Variants in ZNF804A observed in about 807,000 individuals in gnomAD.
The protein encoded by ZNF804A is zinc finger protein 804A.
A neutral mutation model predicts 16.5 loss-of-function variants in ZNF804A; 2 were observed. The observed-to-expected ratio is 0.12, with a 90% CI of 0.05 to 0.38. The LOEUF is 0.38. ZNF804A is among the 10% of genes least tolerant of loss of function. ZNF804A has a pLI of 0.99. For synonymous variants in ZNF804A, 534 were observed against 489.6 expected, an observed-to-expected ratio of 1.09 and a Z score of -1.20; for missense variants, 1,473 against 1,390.7, an observed-to-expected ratio of 1.06 and a Z score of -0.94.
chr2:184,781,733 T>C (rs1694374156), intron 1 of ZNF804A, among the ~76,000 whole-genome samples: 1 of 151,850 alleles, frequency 6.6e-6, no homozygotes, highest in Non-Finnish European at 1.5e-5. Context: ...ACTTCTACTT[T>C]TTTGCATCAT....
chr2:184,640,438 T>C (rs555831745), intron 1 of ZNF804A, among the ~76,000 whole-genome samples: 1 of 152,130 alleles, frequency 6.6e-6, no homozygotes, highest in South Asian at 2.1e-4. Context: ...ATAGTACCAA[T>C]CAATACTATA....
intron 1 of ZNF804A, among the ~76,000 whole-genome samples, chr2:184,808,572 T>A (rs1434604866): frequency 6.6e-6 from 1 of 151,528 alleles, no homozygotes; most frequent in Admixed American, 6.6e-5. Flanking sequence ...AAAGCATATA[T>A]CATTTAGTTT....
At chr2:184,787,023 G>A (rs1448644971) in intron 1 of ZNF804A, among the ~76,000 whole-genome samples, 1 of 151,658 alleles carries the variant, frequency 6.6e-6, no homozygotes, top group Admixed American at 6.6e-5. Context: ...CCATATATGT[G>A]TAATGGTTGG....
intron 1 of ZNF804A, among the ~76,000 whole-genome samples, chr2:184,671,357 C>T (rs949022424): frequency 6.6e-6 from 1 of 152,138 alleles, no homozygotes; most frequent in Non-Finnish European, 1.5e-5. Context: ...AGAACTCTAG[C>T]CAGGGACCAG....
chr2:184,607,348 C>A (rs1013939055), intron 1 of ZNF804A, among the ~76,000 whole-genome samples: 6 of 152,172 alleles, frequency 3.9e-5, no homozygotes, highest in Non-Finnish European at 8.8e-5. Context: ...AATTGACTCA[C>A]AGTTCTGCAT....
In ZNF804A at chr2:184,645,757, C is replaced by T. The variant is rs536088493; in HGVS notation, c.111+46687C>T. ...TAGCAAGATAGTACATAAAGATCAA[C>T]TCTGTGAGCTCTAATTCAAGAAGGA... is the stretch of plus-strand genomic sequence containing the variant. On this transcript the variant is annotated intron_variant, in intron 1 of 3. Transcript: ENST00000302277. Among the ~76,000 whole-genome samples, 4 of 152,306 alleles carry T rather than the reference C, an allele frequency of 2.6e-5. No individual in the cohort carries two copies. The South Asian group carries it at 8.3e-4, about 32-fold the overall frequency.
At chr2:184,732,295 T>C (rs189295491) in intron 1 of ZNF804A, among the ~76,000 whole-genome samples, 7 of 152,292 alleles carry the variant, frequency 4.6e-5, no homozygotes, top group Admixed American at 3.3e-4. Flanking sequence ...TAGCATACTT[T>C]GTTGAAAATA....
intron 1 of ZNF804A, among the ~76,000 whole-genome samples, chr2:184,685,180 G>A (rs1242859972): frequency 2.0e-5 from 3 of 152,228 alleles, no homozygotes; most frequent in South Asian, 4.1e-4. Context: ...TGGCATAGGT[G>A]CTGGCTTCGT....
At chr2:184,619,298 C>A (rs1691381460) in intron 1 of ZNF804A, among the ~76,000 whole-genome samples, 2 of 151,624 alleles carry the variant, frequency 1.3e-5, no homozygotes. Context: ...TAGTTAGAAG[C>A]TTTTATTTAA....
At position 184,903,317 on chromosome 2, in the gene ZNF804A, G is replaced by A. The variant is rs185384269; in HGVS notation, c.256-30286G>A. 1.3e-5 allele frequency among the ~76,000 whole-genome samples: 2 copies of A among 151,936 alleles called. 1 individual carries two copies. Among genetic ancestry groups the A allele is most frequent in the Non-Finnish European group, 2.9e-5 (2 of 67,980 alleles). ...ACATATATAGCAATGACCCCATAAGGTTATACTAACTGTATTTTTACTGTA... is the reference window on the plus strand; with the variant it reads ...ACATATATAGCAATGACCCCATAAGATTATACTAACTGTATTTTTACTGTA... On this transcript the variant is annotated intron_variant, in intron 2 of 3. Transcript: ENST00000302277.
At chr2:184,824,067 G>A (rs75965110) in intron 1 of ZNF804A, among the ~76,000 whole-genome samples, 6,921 of 151,838 alleles carry the variant, frequency 0.046, 526 homozygotes, top group African/African-American at 0.16. Context: ...CAATAGATAC[G>A]CCCGGAATGT....
rs748662561 is a variant in ZNF804A, at chr2:184,937,439, C to T, written c.2043C>T (p.Tyr681=). The change falls in exon 4 of 4, where the codon TAC becomes TAT. Residue 681 remains tyrosine, a synonymous_variant. Coordinates refer to ENST00000302277, the MANE Select transcript of ZNF804A (RefSeq NM_194250.2). The stretch of plus-strand genomic sequence containing the variant: ...TGTGTAAAACATGGAATACTGAATA[C>T]AACACTTATGATACTATCAGTTCTA... ...EEMCKTWNTE[Y]NTYDTISSKN... is the part of the protein sequence containing the mutation. 10 of 1,611,798 alleles carry T rather than the reference C, an allele frequency of 6.2e-6. No individual in the cohort carries two copies. Among genetic ancestry groups the T allele is most frequent in the African/African-American group, 2.7e-5 (2 of 74,852 alleles).
intron 1 of ZNF804A, among the ~76,000 whole-genome samples, chr2:184,832,786 A>T (rs1194113694): frequency 6.6e-6 from 1 of 151,966 alleles, no homozygotes; most frequent in Non-Finnish European, 1.5e-5. Flanking sequence ...AATGTACATC[A>T]ATGATATTAT....
intron 2 of ZNF804A, among the ~76,000 whole-genome samples, chr2:184,901,613 T>A (rs895886322): frequency 6.6e-6 from 1 of 152,116 alleles, no homozygotes; most frequent in Non-Finnish European, 1.5e-5. Flanking sequence ...TTGGTAATAA[T>A]CCCTAAGTGC....
chr2:184,936,824 T>A lies in ZNF804A; in HGVS notation c.1428T>A (p.Asn476Lys). The A allele has an allele frequency of 3.7e-6, 6 of 1,612,876 alleles. No individual in the cohort carries two copies. Among genetic ancestry groups the A allele is most frequent in the Non-Finnish European group, 5.1e-6 (6 of 1,179,620 alleles). The change falls in exon 4 of 4, where the codon AAT (asparagine) becomes AAA (lysine). Residue 476 changes from asparagine to lysine, a missense_variant. Physicochemically the swap from Asn to Lys is moderately conservative, Grantham distance 94. Transcript: ENST00000302277. ...AAGTAAATAATAATCTAGATAAAAA[T>A]AAGCCAGACTTAAAAGATCTTTGTT... is the stretch of plus-strand genomic sequence containing the variant. ...STKVNNNLDKNKPDLKDLCSQ... is the reference protein window; with the variant it reads ...STKVNNNLDKKKPDLKDLCSQ...
chr2:184,821,945 C>T (rs898280276), intron 1 of ZNF804A, among the ~76,000 whole-genome samples: 19 of 152,058 alleles, frequency 1.2e-4, no homozygotes, highest in African/African-American at 3.4e-4. Context: ...GAAAAAGAAA[C>T]GCTTTTACAC....
intron 1 of ZNF804A, among the ~76,000 whole-genome samples, chr2:184,785,221 A>G (rs1454266142): frequency 3.9e-5 from 6 of 151,994 alleles, no homozygotes; most frequent in African/African-American, 1.2e-4. Context: ...TTCATCAGGA[A>G]TATAATTTAT....
At chr2:184,604,221 A>AGTG (rs1301000810) in intron 1 of ZNF804A, among the ~76,000 whole-genome samples, 1 of 116,856 alleles carries the variant, frequency 8.6e-6, no homozygotes, top group African/African-American at 3.3e-5. Context: ...CCCAGGCTGG[A>AGTG]GTGCAATGGC....
chr2:184,731,289 GA>G (rs1286326871), intron 1 of ZNF804A, among the ~76,000 whole-genome samples: 9 of 81,842 alleles, frequency 1.1e-4, no homozygotes, highest in East Asian at 3.8e-4. Context: ...AAGGAAAAAA[GA>G]AAAAAAAGAA....
Sources: gnomAD v4.1 joint callset for allele counts (sites outside exome capture counted in the v4.1 genomes callset) on GRCh38, gnomAD v4.1.1 for gene constraint, MANE v1.5 for transcripts, NCBI Gene and HGNC (gene_info 2026-07-23, HGNC 2026-07-21) for gene names.